NAV1: variants seen among roughly 807,000 people sequenced by gnomAD.
NAV1 encodes neuron navigator 1.
In NAV1, 18 loss-of-function variants were observed where a neutral mutation model predicts 175.2. The observed-to-expected ratio is 0.10, with a 90% CI of 0.07 to 0.15. NAV1 has a LOEUF of 0.15. NAV1 is among the 10% of genes least tolerant of loss of function. NAV1 has a pLI of 1.00. For synonymous variants in NAV1, 897 were observed against 978.7 expected, an observed-to-expected ratio of 0.92 and a Z score of 1.56; for missense variants, 1,731 against 2,436.6, an observed-to-expected ratio of 0.71 and a Z score of 6.10.
intron 3 of NAV1, among the ~76,000 whole-genome samples, chr1:201,729,563 C>T (rs1672757772): frequency 6.6e-6 from 1 of 151,678 alleles, no homozygotes; most frequent in Non-Finnish European, 1.5e-5. Flanking sequence ...ATTGCTTGAA[C>T]CTGGGAGGTG....
chr1:201,544,071 G>T (rs1038570004), intron 1 of NAV1, among the ~76,000 whole-genome samples: 1 of 152,184 alleles, frequency 6.6e-6, no homozygotes, highest in Admixed American at 6.5e-5. Flanking sequence ...CTCAGCGCGG[G>T]CTTCATTTCC....
At chr1:201,648,486 C>T (rs1669058774) in exon 1 of NAV1, 5 of 1,234,266 alleles carry the variant, frequency 4.1e-6, no homozygotes, top group Non-Finnish European at 5.0e-6. Flanking sequence ...CCCCTGCGCC[C>T]TCGGCTTGCC....
chr1:201,591,510 AG>A (rs1206911551), intron 2 of NAV1, among the ~76,000 whole-genome samples: 1 of 152,186 alleles, frequency 6.6e-6, no homozygotes, highest in South Asian at 2.1e-4. Flanking sequence ...GGGGCTGAGC[AG>A]GCCTGGCATA....
chr1:201,751,315 T>C (rs999709831), intron 3 of NAV1, among the ~76,000 whole-genome samples: 6 of 152,190 alleles, frequency 3.9e-5, no homozygotes, highest in African/African-American at 1.4e-4. Context: ...CCAGCCCAGG[T>C]TGGAGCACAT....
At chr1:201,665,566 G>A (rs1669789180) in intron 1 of NAV1, among the ~76,000 whole-genome samples, 1 of 128,988 alleles carries the variant, frequency 7.8e-6, no homozygotes, top group African/African-American at 3.0e-5. Context: ...TCTCTCTCTG[G>A]AGGGGTGAGG....
chr1:201,612,438 A>C (rs1313492488), intron 2 of NAV1, among the ~76,000 whole-genome samples: 1 of 152,140 alleles, frequency 6.6e-6, no homozygotes, highest in Non-Finnish European at 1.5e-5. Flanking sequence ...TGGGTGACAG[A>C]GCTGCGACTC....
At chr1:201,542,521 A>G (rs1397181799) in intron 1 of NAV1, among the ~76,000 whole-genome samples, 3 of 152,108 alleles carry the variant, frequency 2.0e-5, no homozygotes, top group African/African-American at 7.2e-5. Context: ...CCTGGGCCTC[A>G]TCTGTTCCCT....
chr1:201,560,066 G>A (rs1666152689), intron 1 of NAV1, among the ~76,000 whole-genome samples: 2 of 152,176 alleles, frequency 1.3e-5, no homozygotes, highest in African/African-American at 4.8e-5. Flanking sequence ...GATGGGAAGA[G>A]CAGAACCGTA....
upstream of NAV1, among the ~76,000 whole-genome samples, chr1:201,622,039 A>G (rs549015330): frequency 1.1e-4 from 17 of 152,366 alleles, no homozygotes; most frequent in Admixed American, 6.5e-4. Flanking sequence ...AGACAAGATC[A>G]AGTGCTGTTG....
Position 201,750,208 on chromosome 1 carries a change from G to C in NAV1, c.1227-30213G>C, listed in dbSNP as rs982592980. Among the ~76,000 whole-genome samples, 2 of 152,180 alleles carry C rather than the reference G, an allele frequency of 1.3e-5. No individual in the cohort carries two copies. The highest frequency in any genetic ancestry group is 2.9e-5 in the Non-Finnish European group (2 of 68,030). ...TAATTTTTTATAACAAAGACCTACC[G>C]CTGCAAGGATTTTACATGTAATGAG... On this transcript the variant is annotated intron_variant, in intron 3 of 29. Transcript: ENST00000367296. This position sits in a 1 kb window ranked among gnomAD's most constrained non-coding sequence, Gnocchi z 4.1.
chr1:201,804,355 CCT>C, intron 16 of NAV1, 132 bp from the exon 21 acceptor site: 1 of 853,002 alleles, frequency 1.2e-6, no homozygotes, highest in South Asian at 1.8e-5. Flanking sequence ...TCCTCTGTCC[CCT>C]GTTCAGTAAG....
chr1:201,768,699 G>A (rs1360179489), intron 3 of NAV1, among the ~76,000 whole-genome samples: 2 of 148,204 alleles, frequency 1.3e-5, no homozygotes, highest in South Asian at 2.1e-4. Context: ...TAGCAAACAA[G>A]TGCTAAAGTG....
At chr1:201,589,253 C>A (rs1273492024) in intron 2 of NAV1, among the ~76,000 whole-genome samples, 2 of 152,078 alleles carry the variant, frequency 1.3e-5, no homozygotes, top group East Asian at 1.9e-4. Context: ...GCCTTTTTAC[C>A]CCAGAGCACC....
chr1:201,760,726 G>T (rs1269033251), intron 3 of NAV1, among the ~76,000 whole-genome samples: 1 of 152,180 alleles, frequency 6.6e-6, no homozygotes, highest in Non-Finnish European at 1.5e-5. Flanking sequence ...TGGTGAATCT[G>T]TGGATTTGGA....
At chr1:201,616,889 C>G (rs1253841847) in intron 2 of NAV1, among the ~76,000 whole-genome samples, 2 of 152,208 alleles carry the variant, frequency 1.3e-5, no homozygotes, top group East Asian at 3.8e-4. Context: ...AGAGCAGAAC[C>G]TGGGTCTCAG....
At chr1:201,681,133 A>G (rs1670447926) in intron 1 of NAV1, among the ~76,000 whole-genome samples, 1 of 152,122 alleles carries the variant, frequency 6.6e-6, no homozygotes, top group Non-Finnish European at 1.5e-5. Context: ...TCCCCAGAAC[A>G]GAGGCCTTCA....
At chr1:201,583,659 C>T (rs529844408) in intron 1 of NAV1, among the ~76,000 whole-genome samples, 33 of 152,198 alleles carry the variant, frequency 2.2e-4, no homozygotes, top group Non-Finnish European at 4.1e-4. Context: ...TTGAAATCCT[C>T]TTTCTCCTTT....
In NAV1 at chr1:201,601,986, T is replaced by A. The variant is rs143433508; in HGVS notation, c.-33+13337T>A. On this transcript the variant is annotated intron_variant, in intron 2 of 33. Coordinates refer to the NAV1 transcript ENST00000685211. ...CCAGCTCAGGTTATCAGCTGCCCCC[T>A]CTCTGGAGCACCTCAGGATGGGTTC... Among the ~76,000 whole-genome samples the A allele has an allele frequency of 2.0e-3, 307 of 152,168 alleles. 1 individual carries two copies. Among genetic ancestry groups the A allele is most frequent in the African/African-American group, 7.2e-3 (300 of 41,532 alleles).
intron 3 of NAV1, among the ~76,000 whole-genome samples, chr1:201,751,886 A>G (rs143714866): frequency 1.1e-3 from 171 of 152,260 alleles, no homozygotes; most frequent in African/African-American, 3.9e-3. Flanking sequence ...TCATCCAGTT[A>G]TTGTTTAAGA....
Sources: gnomAD v4.1 joint callset for allele counts (sites outside exome capture counted in the v4.1 genomes callset) on GRCh38, gnomAD v4.1.1 for gene constraint, Gnocchi (gnomAD v3.1) non-coding constraint, MANE v1.5 for transcripts, NCBI Gene and HGNC (gene_info 2026-07-23, HGNC 2026-07-21) for gene names.